The following LTBP2 variants were observed in gnomAD, a reference collection of about 807,000 sequenced individuals.
LTBP2 encodes latent-transforming growth factor beta-binding protein 2.
A neutral mutation model predicts 210.6 loss-of-function variants in LTBP2; 103 were observed. The observed-to-expected ratio is 0.49, with a 90% confidence interval of 0.42 to 0.58. The LOEUF is 0.58. Ranked by LOEUF, LTBP2 falls within the 20% of genes least tolerant of loss-of-function variation. The probability of loss-of-function intolerance (pLI) is 0.00; values close to 1 mark genes in which losing one functional copy is unlikely to be tolerated. For missense variants in LTBP2, 2,313 were observed against 2,494.5 expected (o/e 0.93, Z 1.55); for synonymous variants, 1,007 against 1,015.0 (o/e 0.99, Z 0.15).
intron 13 of LTBP2, 41 bp from the exon 14 acceptor site, chr14:74,526,155 C>CAAAA: frequency 6.4e-7 from 1 of 1,573,504 alleles, no homozygotes; most frequent in Admixed American, 1.8e-5. Flanking sequence ...GCTCCTCTGC[C>CAAAA]GTACCTGTGA....
chr14:74,562,934 C>T (rs1209071654), intron 3 of LTBP2, among the ~76,000 whole-genome samples: 6 of 152,210 alleles, frequency 3.9e-5, no homozygotes, highest in Non-Finnish European at 5.9e-5. Flanking sequence ...GATAAACCTT[C>T]TGTGGTAGGT....
At chr14:74,582,765 G>A (rs1006412406) in intron 3 of LTBP2, among the ~76,000 whole-genome samples, 2 of 152,200 alleles carry the variant, frequency 1.3e-5, no homozygotes, top group African/African-American at 2.4e-5. Flanking sequence ...GTGGGACCAC[G>A]TTAGAGCTGA....
chr14:74,595,051 TA>T (rs1187737476), intron 2 of LTBP2, among the ~76,000 whole-genome samples: 1 of 152,196 alleles, frequency 6.6e-6, no homozygotes, highest in African/African-American at 2.4e-5. Context: ...TGTGTTCGCA[TA>T]AAACCTCCTA....
intron 8 of LTBP2, among the ~76,000 whole-genome samples, chr14:74,540,848 T>TATTATATATATTTATATATATAA (rs1555350201): frequency 1.5e-5 from 1 of 68,898 alleles, no homozygotes. Flanking sequence ...TTTATATATA[T>TATTATATATATTTATATATATAA]TATATATATT....
chr14:74,550,951 G>A, intron 7 of LTBP2, 113 bp downstream of exon 7: 2 of 1,366,724 alleles, frequency 1.5e-6, no homozygotes, highest in Non-Finnish European at 1.0e-6. Context: ...GGGAGAGTCT[G>A]CAGACACTCA....
At chr14:74,580,515 C>A (rs1172542832) in intron 3 of LTBP2, among the ~76,000 whole-genome samples, 1 of 152,202 alleles carries the variant, frequency 6.6e-6, no homozygotes, top group Non-Finnish European at 1.5e-5. Flanking sequence ...GGATTGCCAA[C>A]AGATATGCTA....
intron 15 of LTBP2, 89 bp from the exon 16 acceptor site, chr14:74,523,007 G>T: frequency 6.6e-7 from 1 of 1,511,638 alleles, no homozygotes; most frequent in Non-Finnish European, 8.9e-7. Context: ...AGTGGCCAGG[G>T]TCTAGGGGCC....
Position 74,506,503 on chromosome 14 carries a change from G to A in LTBP2, c.4033+195C>T, listed in dbSNP as rs150884338. Among the ~76,000 whole-genome samples the A allele has an allele frequency of 4.0e-3, 609 of 152,356 alleles. 3 individuals are homozygous for A. Among genetic ancestry groups the A allele is most frequent in the Non-Finnish European group, 6.6e-3 (452 of 68,030 alleles). On this transcript the variant is annotated intron_variant, in intron 27 of 35. Coordinates refer to ENST00000261978, the MANE Select transcript of LTBP2 (RefSeq NM_000428.3). ...ACCTGCTGCCCTGCTGGCAGAGCGCGGCTGTGCTTCCCCTTACCCGCCCGG... is the reference window on the plus strand; with the variant it reads ...ACCTGCTGCCCTGCTGGCAGAGCGCAGCTGTGCTTCCCCTTACCCGCCCGG...
chr14:74,556,316 A>G (rs2087728228), intron 3 of LTBP2, among the ~76,000 whole-genome samples: 1 of 152,194 alleles, frequency 6.6e-6, no homozygotes, highest in South Asian at 2.1e-4. Context: ...ACCTTTGCTC[A>G]CGTATATGAT....
At chr14:74,567,687 G>A (rs1380175245) in intron 3 of LTBP2, among the ~76,000 whole-genome samples, 1 of 152,148 alleles carries the variant, frequency 6.6e-6, no homozygotes, top group African/African-American at 2.4e-5. Context: ...GGAAGGGACT[G>A]GGCCTTACCC....
At chr14:74,559,632 T>G (rs2087769167) in intron 3 of LTBP2, 1 of 150,608 alleles carries the variant, frequency 6.6e-6, no homozygotes, top group African/African-American at 2.5e-5. Flanking sequence ...CACAGGCAGC[T>G]AGGATGGAGT....
chr14:74,556,554 T>C (rs1314690575), intron 3 of LTBP2, among the ~76,000 whole-genome samples: 1 of 152,272 alleles, frequency 6.6e-6, no homozygotes, highest in Non-Finnish European at 1.5e-5. Context: ...TTTGCTCTCG[T>C]TGCCCAAGCT....
chr14:74,529,207 G>T (rs1172404324), intron 10 of LTBP2, 85 bp from the exon 11 acceptor site: 3 of 1,483,774 alleles, frequency 2.0e-6, no homozygotes, highest in Non-Finnish European at 2.8e-6. Context: ...TGGAGGTGTG[G>T]CTGGCCACAT....
intron 3 of LTBP2, among the ~76,000 whole-genome samples, chr14:74,556,368 C>T (rs904178289): frequency 1.3e-5 from 2 of 152,136 alleles, no homozygotes; most frequent in Non-Finnish European, 2.9e-5. Flanking sequence ...TTTTAAATTC[C>T]GTTTTTCACT....
chr14:74,500,368 GA>G lies in LTBP2; in HGVS notation c.*515del, dbSNP rs2086895966. The G allele has an allele frequency of 3.1e-6, 1 of 323,490 alleles. No individual in the cohort carries two copies. The highest frequency in any genetic ancestry group is 4.5e-5 in the Admixed American group (1 of 22,212). 20.0% of individuals were successfully genotyped at this position (323,490 alleles called of 1,614,324 possible). A position where few individuals can be genotyped will look rare whatever the true frequency, so the allele number is the denominator to read the frequency against. On this transcript the variant is annotated 3_prime_UTR_variant, in exon 36 of 36. Transcript: ENST00000261978. ...AATCAGGGCCCAGAACAGATTGGCT[GA>G]GTGGTGGTGATGGTTCTTAGGAGGG...
intron 3 of LTBP2, chr14:74,559,728 C>G (rs1307057684): frequency 6.6e-6 from 1 of 152,198 alleles, no homozygotes; most frequent in East Asian, 1.9e-4. Context: ...AAATCGCAAG[C>G]CTTTAGCCAA....
intron 3 of LTBP2, among the ~76,000 whole-genome samples, chr14:74,557,172 A>C (rs987036600): frequency 1.3e-5 from 2 of 152,162 alleles, no homozygotes; most frequent in Non-Finnish European, 2.9e-5. Context: ...TGAGGCTGAG[A>C]ATCACTTGAA....
intron 18 of LTBP2, among the ~76,000 whole-genome samples, chr14:74,514,695 G>A (rs2087113418): frequency 6.6e-6 from 1 of 152,138 alleles, no homozygotes; most frequent in Admixed American, 6.5e-5. Context: ...CCGGTACGAC[G>A]GAAATGCCGT....
rs1233289057 is a variant in LTBP2, at chr14:74,540,806, T to C, written c.1790-4806A>G. ...TATTATATATATATTTATATATATA[T>C]ATAATATATATATATTTTTATATAA... On this transcript the variant is annotated intron_variant, in intron 8 of 35. Coordinates refer to ENST00000261978, the MANE Select transcript of LTBP2 (RefSeq NM_000428.3). Among the ~76,000 whole-genome samples the C allele has an allele frequency of 1.0e-3, 7 of 6,912 alleles. No homozygotes were observed. In the Non-Finnish European group the frequency reaches 0.1, roughly 99 times the overall value. The allele number at this position is 6,912 out of a possible 152,430, so 4.5% of individuals were successfully genotyped here.
Sources: allele counts gnomAD v4.1 joint callset (sites outside exome capture counted in the v4.1 genomes callset), GRCh38; gene constraint gnomAD v4.1.1; transcripts MANE v1.5; gene names NCBI Gene and HGNC (gene_info 2026-07-23, HGNC 2026-07-21).